The following ARHGAP20 variants were observed in gnomAD, a reference collection of about 807,000 sequenced individuals.
ARHGAP20 encodes Rho GTPase activating protein 20, also known as rho GTPase-activating protein 20.
A neutral mutation model predicts 73.7 loss-of-function variants in ARHGAP20; 34 were observed. The ratio of observed to expected loss-of-function variants is 0.46; its 90% confidence interval spans 0.35 to 0.61. The LOEUF is 0.61. Among genes scored for constraint, ARHGAP20 ranks in the 20% least tolerant of loss-of-function variants. The pLI is 0.00. For missense variants in ARHGAP20, 1,314 were observed against 1,420.9 expected (o/e 0.92, Z 1.21); for synonymous variants, 523 against 518.2 (o/e 1.01, Z -0.13).
At chr11:110,616,263 G>T (rs934215662) in intron 4 of ARHGAP20, among the ~76,000 whole-genome samples, 1 of 151,982 alleles carries the variant, frequency 6.6e-6, no homozygotes, top group Non-Finnish European at 1.5e-5. Context: ...AACTAAATTA[G>T]TATTAATTTT....
intron 4 of ARHGAP20, among the ~76,000 whole-genome samples, chr11:110,622,541 T>C (rs1374305984): frequency 1.3e-5 from 2 of 152,184 alleles, no homozygotes; most frequent in African/African-American, 2.4e-5. Flanking sequence ...GATTTCACCA[T>C]TTTTTCCATT....
chr11:110,578,564 A>G lies in ARHGAP20; in HGVS notation c.*806T>C. ...CAGGAGGTCACCTTCTAAATAGAAGAAGTTGCATTTCTGAAGAATGTTCCT... is the reference window on the plus strand; with the variant it reads ...CAGGAGGTCACCTTCTAAATAGAAGGAGTTGCATTTCTGAAGAATGTTCCT... On this transcript the variant is annotated 3_prime_UTR_variant, in exon 15 of 15. Transcript: ENST00000683387. 2.0e-6 allele frequency: 2 copies of G among 985,448 alleles called. No homozygotes were observed. Among genetic ancestry groups the G allele is most frequent in the South Asian group, 4.7e-5 (1 of 21,282 alleles). The allele number at this position is 985,448 out of a possible 1,614,324, so 61.0% of individuals were successfully genotyped here. A position where few individuals can be genotyped will look rare whatever the true frequency, so the allele number is the denominator to read the frequency against.
At chr11:110,660,214 C>A (rs1183103467) in intron 2 of ARHGAP20, among the ~76,000 whole-genome samples, 1 of 152,030 alleles carries the variant, frequency 6.6e-6, no homozygotes, top group Admixed American at 6.6e-5. Context: ...CTAAAATCGG[C>A]GTTTCTAACT....
chr11:110,624,975 T>C (rs1254263934), intron 3 of ARHGAP20, among the ~76,000 whole-genome samples: 2 of 152,006 alleles, frequency 1.3e-5, no homozygotes, highest in African/African-American at 4.8e-5. Context: ...CCAAAACAAT[T>C]TGAGTGGCTG....
At chr11:110,597,439 G>C (rs1947997595) in intron 9 of ARHGAP20, among the ~76,000 whole-genome samples, 1 of 151,934 alleles carries the variant, frequency 6.6e-6, no homozygotes, top group South Asian at 2.1e-4. Context: ...TATGTATGTT[G>C]AGTACTTGTG....
chr11:110,673,853 A>G (rs1949876563), intron 2 of ARHGAP20, among the ~76,000 whole-genome samples: 1 of 152,182 alleles, frequency 6.6e-6, no homozygotes, highest in Non-Finnish European at 1.5e-5. Flanking sequence ...GCAGTCTAAT[A>G]TGATGGCTAA....
In ARHGAP20 at chr11:110,630,876, A is replaced by G. The variant is rs1331027124; in HGVS notation, c.189-84T>C. On this transcript the variant is annotated intron_variant, in intron 2 of 14. Coordinates refer to ENST00000683387, the MANE Select transcript of ARHGAP20 (RefSeq NM_001384657.1). ...CTACAAAATTCTGTAATTTTTTTTAATACAATGGTATAGCATCCTAACTGG... is the reference window on the plus strand; with the variant it reads ...CTACAAAATTCTGTAATTTTTTTTAGTACAATGGTATAGCATCCTAACTGG... The G allele has an allele frequency of 2.9e-6, 4 of 1,375,050 alleles. No individual in the cohort carries two copies. The African/African-American group carries it at 5.8e-5, about 20-fold the overall frequency. The allele number at this position is 1,375,050 out of a possible 1,614,324, so 85.2% of individuals were successfully genotyped here.
At chr11:110,609,115 AT>A (rs57075075) in intron 7 of ARHGAP20, 65 bp from the exon 8 acceptor site, 95,156 of 1,218,408 alleles carry the variant, frequency 0.078, no homozygotes, top group South Asian at 0.12. Context: ...ATGAGGACAC[AT>A]TTTTTTTTTT....
At chr11:110,610,245 C>T (rs1392059613) in intron 7 of ARHGAP20, among the ~76,000 whole-genome samples, 1 of 151,992 alleles carries the variant, frequency 6.6e-6, no homozygotes, top group Non-Finnish European at 1.5e-5. Flanking sequence ...TAGATTATCC[C>T]AAATTCTGGT....
At chr11:110,676,675 C>A (rs1288063347) in intron 2 of ARHGAP20, among the ~76,000 whole-genome samples, 1 of 151,836 alleles carries the variant, frequency 6.6e-6, no homozygotes, top group Non-Finnish European at 1.5e-5. Flanking sequence ...GAATATAAAC[C>A]AAAATTTTTT....
chr11:110,642,857 G>A (rs147651314), intron 2 of ARHGAP20, among the ~76,000 whole-genome samples: 1 of 152,100 alleles, frequency 6.6e-6, no homozygotes, highest in African/African-American at 2.4e-5. Flanking sequence ...AGTAGAACTG[G>A]TACAAACTCT....
Position 110,579,733 on chromosome 11 carries a change from T to C in ARHGAP20, c.3213A>G (p.Leu1071=). The C allele has an allele frequency of 1.9e-6, 3 of 1,614,064 alleles. No individual in the cohort carries two copies. Among genetic ancestry groups the C allele is most frequent in the Non-Finnish European group, 2.5e-6 (3 of 1,179,998 alleles). Residue 1071 remains leucine, a synonymous_variant, in exon 15 of 15, where the codon TTA becomes TTG. Transcript: ENST00000683387. The part of the protein sequence containing the change: ...EEKIASPKGP[L]EPPPHASGVP... ...CACCAGAAGCATGTGGGGGTGGCTC[T>C]AAGGGTCCTTTTGGAGAAGCTATTT...
In ARHGAP20 at chr11:110,712,126, C is replaced by A; in HGVS notation, c.105+1G>T. 7.4e-7 allele frequency: 1 copy of A among 1,348,548 alleles called. No individual in the cohort carries two copies. The highest frequency in any genetic ancestry group is 9.6e-7 in the Non-Finnish European group (1 of 1,046,192). 83.5% of individuals were successfully genotyped at this position (1,348,548 alleles called of 1,614,324 possible). A position where few individuals can be genotyped will look rare whatever the true frequency, so the allele number is the denominator to read the frequency against. ...CACGGGCCCCCGCTCAGCGTCCTCA[C>A]CTTCTTGGTGCAGCTGCCTCCCGCG... On this transcript the variant is annotated splice_donor_variant, in intron 1 of 14. Coordinates refer to ENST00000683387, the MANE Select transcript of ARHGAP20 (RefSeq NM_001384657.1). LOFTEE classifies it high-confidence loss of function.
chr11:110,603,802 A>G (rs903291705), intron 9 of ARHGAP20, among the ~76,000 whole-genome samples: 12 of 152,228 alleles, frequency 7.9e-5, no homozygotes, highest in African/African-American at 2.7e-4. Flanking sequence ...CATATGCTCA[A>G]CTGAAATTAG....
chr11:110,709,307 G>A (rs1950604462), intron 1 of ARHGAP20, among the ~76,000 whole-genome samples: 1 of 152,168 alleles, frequency 6.6e-6, no homozygotes, highest in Non-Finnish European at 1.5e-5. Context: ...GTTCACTGCT[G>A]TACATAACCC....
At chr11:110,611,576 T>C (rs1482317901) in intron 6 of ARHGAP20, among the ~76,000 whole-genome samples, 190 bp from the exon 7 acceptor site, 1 of 152,190 alleles carries the variant, frequency 6.6e-6, no homozygotes, top group East Asian at 1.9e-4. Context: ...AATTATGCCC[T>C]CTAATAAAAC....
chr11:110,681,726 ATGGTGGTGTG>A (rs1417260252), intron 2 of ARHGAP20, among the ~76,000 whole-genome samples: 4 of 152,208 alleles, frequency 2.6e-5, no homozygotes, highest in Non-Finnish European at 1.5e-5. Flanking sequence ...CAATGTGAGC[ATGGTGGTGTG>A]TGGTCATGCA....
intron 2 of ARHGAP20, among the ~76,000 whole-genome samples, chr11:110,643,731 T>C (rs1023744923): frequency 2.6e-5 from 4 of 152,042 alleles, no homozygotes; most frequent in African/African-American, 9.7e-5. Flanking sequence ...AAGAATCTTC[T>C]GTGGTTGTTG....
At chr11:110,681,161 T>C (rs1049832640) in intron 2 of ARHGAP20, among the ~76,000 whole-genome samples, 6 of 152,224 alleles carry the variant, frequency 3.9e-5, no homozygotes, top group Non-Finnish European at 8.8e-5. Flanking sequence ...TGGCATGTTA[T>C]GCAAGACAGC....
Sources: allele counts gnomAD v4.1 joint callset (sites outside exome capture counted in the v4.1 genomes callset), GRCh38; gene constraint gnomAD v4.1.1; transcripts MANE v1.5; gene names NCBI Gene and HGNC (gene_info 2026-07-23, HGNC 2026-07-21).